CACHD1: variants seen among roughly 807,000 people sequenced by gnomAD.
CACHD1 encodes cache domain containing 1.
Under a neutral mutation model 138.7 loss-of-function variants are expected in CACHD1, and 71 were observed. The observed-to-expected ratio is 0.51, with a 90% CI of 0.42 to 0.62. CACHD1 has a LOEUF of 0.62. Ranked by LOEUF, CACHD1 falls within the 20% of genes least tolerant of loss-of-function variation. CACHD1 has a pLI of 0.00. For missense variants in CACHD1, 1,389 were observed against 1,625.3 expected, an observed-to-expected ratio of 0.85 and a Z score of 2.50; for synonymous variants, 578 against 591.5, an observed-to-expected ratio of 0.98 and a Z score of 0.33.
chr1:64,666,864 A>C (rs1482896004), intron 16 of CACHD1, among the ~76,000 whole-genome samples: 1 of 141,666 alleles, frequency 7.1e-6, no homozygotes, highest in Non-Finnish European at 1.5e-5. Flanking sequence ...AAAAAAAAAA[A>C]AAAAAAAACG....
intron 1 of CACHD1, among the ~76,000 whole-genome samples, chr1:64,498,088 C>T (rs896459041): frequency 1.3e-5 from 2 of 152,198 alleles, no homozygotes; most frequent in Non-Finnish European, 2.9e-5. Flanking sequence ...GATCGTGCCA[C>T]TGTACTCCAG....
At chr1:64,671,195 A>AT (rs58055531) in intron 16 of CACHD1, among the ~76,000 whole-genome samples, 18 of 149,422 alleles carry the variant, frequency 1.2e-4, no homozygotes, top group East Asian at 3.9e-4. Context: ...GCTAAGGGGG[A>AT]TTTTTTTTTT....
chr1:64,559,740 C>T (rs1383408043), intron 2 of CACHD1, among the ~76,000 whole-genome samples: 2 of 152,140 alleles, frequency 1.3e-5, no homozygotes, highest in African/African-American at 4.8e-5. Flanking sequence ...TTATTTCTTC[C>T]TGCAGTGTTT....
chr1:64,676,019 A>ACAT (rs1557552398), intron 21 of CACHD1, 36 bp downstream of exon 21: 7 of 547,548 alleles, frequency 1.3e-5, no homozygotes, highest in South Asian at 6.3e-5. Flanking sequence ...TAATAATAAT[A>ACAT]ATAATAATAA....
intron 2 of CACHD1, among the ~76,000 whole-genome samples, chr1:64,569,587 A>G (rs180772624): frequency 6.6e-6 from 1 of 152,304 alleles, no homozygotes; most frequent in Non-Finnish European, 1.5e-5. Context: ...GCGGCAGGGC[A>G]GGAAGAGACA....
chr1:64,516,108 C>A (rs1238451867), intron 1 of CACHD1, among the ~76,000 whole-genome samples: 1 of 152,046 alleles, frequency 6.6e-6, no homozygotes, highest in Non-Finnish European at 1.5e-5. Flanking sequence ...TAAACTAGAC[C>A]AACATGCAAC....
At chr1:64,654,101 C>T (rs12084483) in intron 11 of CACHD1, among the ~76,000 whole-genome samples, 9 of 152,138 alleles carry the variant, frequency 5.9e-5, no homozygotes, top group African/African-American at 1.9e-4. Context: ...ACGATAATGT[C>T]TTGTAAATCA....
intron 1 of CACHD1, among the ~76,000 whole-genome samples, chr1:64,525,615 G>A (rs770679445): frequency 6.6e-6 from 1 of 152,104 alleles, no homozygotes; most frequent in African/African-American, 2.4e-5. Flanking sequence ...GACATTAAGG[G>A]GACTGGGTGG....
intron 5 of CACHD1, among the ~76,000 whole-genome samples, chr1:64,629,983 C>G (rs186635318): frequency 6.6e-6 from 1 of 152,284 alleles, no homozygotes; most frequent in Admixed American, 6.5e-5. Context: ...TAACATCCTG[C>G]TTTTCTCTCA....
intron 5 of CACHD1, among the ~76,000 whole-genome samples, chr1:64,630,085 C>T (rs775376258): frequency 2.6e-5 from 4 of 152,116 alleles, no homozygotes; most frequent in Non-Finnish European, 5.9e-5. Flanking sequence ...AGAACCCCCC[C>T]GAAGCAAATA....
intron 15 of CACHD1, among the ~76,000 whole-genome samples, chr1:64,665,325 T>G (rs1649594106): frequency 6.6e-6 from 1 of 151,506 alleles, no homozygotes. Flanking sequence ...TTGGGTGTGG[T>G]GGTACACACC....
At chr1:64,656,430 T>C (rs954502048) in intron 12 of CACHD1, among the ~76,000 whole-genome samples, 7 of 152,198 alleles carry the variant, frequency 4.6e-5, no homozygotes, top group Non-Finnish European at 1.0e-4. Flanking sequence ...GCCACCAAAA[T>C]TCTCAATTAG....
intron 16 of CACHD1, among the ~76,000 whole-genome samples, chr1:64,669,126 T>C (rs1375014035): frequency 6.6e-6 from 1 of 152,192 alleles, no homozygotes; most frequent in Admixed American, 6.5e-5. Flanking sequence ...CAGTGCCTGG[T>C]ATCTGGTAAG....
rs1648355118 is a variant in CACHD1 at position 64,632,705 on chromosome 1, G to T, written c.751G>T (p.Ala251Ser). 4 of 1,614,166 alleles carry T rather than the reference G, an allele frequency of 2.5e-6. No individual in the cohort carries two copies. In the South Asian group the frequency reaches 4.4e-5, roughly 18 times the overall value. Residue 251 changes from alanine to serine, a missense_variant, in exon 6 of 27, where the codon GCT becomes TCT. By Grantham distance (99) the Ala-to-Ser change is moderately conservative (BLOSUM62 1). Around this residue, in one of 5 missense-constraint regions of CACHD1, gnomAD observed 1,000 missense variants for 1,114.7 expected, o/e 0.90. Coordinates refer to ENST00000651257, the MANE Select transcript of CACHD1 (RefSeq NM_020925.4). ...TCAGCTTCAGATTGCCAAGGACGCT[G>T]CTCAGGTCATCCTCAGCGCCATCGA... ...DTQLQIAKDAAQVILSAIDEH... is the reference protein window; with the variant it reads ...DTQLQIAKDASQVILSAIDEH...
intron 1 of CACHD1, among the ~76,000 whole-genome samples, chr1:64,519,258 G>A (rs1265160845): frequency 6.6e-6 from 1 of 152,192 alleles, no homozygotes. Flanking sequence ...CAATGGAAAT[G>A]TGGGAAAATT....
At position 64,584,503 on chromosome 1, in the gene CACHD1, A is replaced by C. The variant is rs533390358; in HGVS notation, c.410+2199A>C. On this transcript the variant is annotated intron_variant, in intron 3 of 26. Coordinates refer to ENST00000651257, the MANE Select transcript of CACHD1 (RefSeq NM_020925.4). ...AATTTCTATGAATGTTTCAAGGAGCAACTCAACAATTGCCCTTTCTTCATA... is the reference window on the plus strand; with the variant it reads ...AATTTCTATGAATGTTTCAAGGAGCCACTCAACAATTGCCCTTTCTTCATA... Among the ~76,000 whole-genome samples the C allele has an allele frequency of 9.2e-5, 14 of 152,290 alleles. No homozygotes were observed. The South Asian group carries it at 2.9e-3, about 32-fold the overall frequency.
intron 1 of CACHD1, among the ~76,000 whole-genome samples, chr1:64,540,244 G>T (rs1267467101): frequency 6.6e-6 from 1 of 151,980 alleles, no homozygotes; most frequent in Non-Finnish European, 1.5e-5. Flanking sequence ...AAGAATACAT[G>T]TATGGCCGCT....
intron 24 of CACHD1, among the ~76,000 whole-genome samples, chr1:64,681,023 T>A (rs907930438): frequency 1.3e-5 from 2 of 152,242 alleles, no homozygotes; most frequent in Non-Finnish European, 2.9e-5. Flanking sequence ...TCTTTTCTCC[T>A]CCTTTCTCAG....
intron 4 of CACHD1, among the ~76,000 whole-genome samples, chr1:64,626,730 A>G (rs962479805): frequency 6.6e-6 from 1 of 152,228 alleles, no homozygotes; most frequent in South Asian, 2.1e-4. Context: ...GGCGCCTAGC[A>G]TAATGCCTAG....
Sources: gnomAD v4.1 joint callset for allele counts (sites outside exome capture counted in the v4.1 genomes callset) on GRCh38, gnomAD v4.1.1 for gene constraint, gnomAD v4.1.1 regional missense constraint, MANE v1.5 for transcripts, NCBI Gene and HGNC (gene_info 2026-07-23, HGNC 2026-07-21) for gene names.